The following ADAMTS2 variants were observed in gnomAD, a reference collection of about 807,000 sequenced individuals.
ADAMTS2 encodes the protein ADAM metallopeptidase with thrombospondin type 1 motif 2, also known as A disintegrin and metalloproteinase with thrombospondin motifs 2.
Under a neutral mutation model 123.0 loss-of-function variants are expected in ADAMTS2, and 50 were observed. The ratio of observed to expected loss-of-function variants is 0.41; its 90% CI spans 0.32 to 0.51. The LOEUF (loss-of-function observed/expected upper bound fraction) is 0.51. ADAMTS2 is among the 20% of genes least tolerant of loss of function. The pLI, the probability that ADAMTS2 is intolerant of heterozygous loss-of-function variation, is 0.35. For synonymous variants in ADAMTS2, 678 were observed against 695.4 expected (o/e 0.98, Z 0.39); for missense variants, 1,494 against 1,705.2 (o/e 0.88, Z 2.18).
chr5:179,252,803 G>T (rs1765958095), intron 3 of ADAMTS2, among the ~76,000 whole-genome samples: 1 of 152,120 alleles, frequency 6.6e-6, no homozygotes. Context: ...TATCTGTGCT[G>T]GGTTTTTTGT....
rs147652879 is a variant in ADAMTS2 at position 179,123,813 on chromosome 5, T to C, written c.2959-1040A>G. ...TCCACCTATTAAGAGTGTTTTTGCC[T>C]GCCTGAGGCCTTGAGTCACCAGTAC... On this transcript the variant is annotated intron_variant, in intron 19 of 21. Coordinates refer to ENST00000251582, the MANE Select transcript of ADAMTS2 (RefSeq NM_014244.5). 9.4e-3 allele frequency among the ~76,000 whole-genome samples: 1,426 copies of C among 152,352 alleles called. 24 individuals carry two copies. The highest frequency in any genetic ancestry group is 0.033 in the African/African-American group (1,369 of 41,578).
chr5:179,273,630 C>T lies in ADAMTS2; in HGVS notation c.535-566G>A, dbSNP rs891018459. ...ATGGAATCCCAGCTTTCCTTGGAAA[C>T]GCAGGCCCTGACCACAGCGGGTCTT... On this transcript the variant is annotated intron_variant, in intron 2 of 21. Coordinates refer to ENST00000251582, the MANE Select transcript of ADAMTS2 (RefSeq NM_014244.5). Among the ~76,000 whole-genome samples the T allele has an allele frequency of 2.6e-5, 4 of 152,052 alleles. No individual in the cohort carries two copies. In the South Asian group the frequency reaches 6.2e-4, roughly 24 times the overall value.
chr5:179,268,564 C>A (rs1017044194), intron 3 of ADAMTS2, among the ~76,000 whole-genome samples: 1 of 152,246 alleles, frequency 6.6e-6, no homozygotes, highest in African/African-American at 2.4e-5. Context: ...AAGACAGGCC[C>A]TCAGTGTCAG....
At position 179,128,013 on chromosome 5, in the gene ADAMTS2, C is replaced by T; in HGVS notation, c.2563G>A (p.Val855Ile). ...CACTTCTTCAGGGCCCACTCGTAGA[C>T]CACAGAGTCCTCTTCCAGGACGTTG... is the stretch of plus-strand genomic sequence containing the variant. The part of the protein sequence containing the change: ...DNNVLEEDSV[V>I]YEWALKKWSP... Residue 855 changes from valine to isoleucine, a missense_variant, in exon 17 of 22, where the codon GTC becomes ATC. By Grantham distance (29) the Val-to-Ile change is conservative. Transcript: ENST00000251582. This position sits in a 1 kb window ranked among gnomAD's most constrained non-coding sequence, Gnocchi z 4.9. 2 of 1,614,116 alleles carry T rather than the reference C, an allele frequency of 1.2e-6. No individual in the cohort carries two copies. The highest frequency in any genetic ancestry group is 8.5e-7 in the Non-Finnish European group (1 of 1,180,046).
chr5:179,266,500 G>A (rs954412389), intron 3 of ADAMTS2, among the ~76,000 whole-genome samples: 1 of 152,186 alleles, frequency 6.6e-6, no homozygotes, highest in Admixed American at 6.5e-5. Flanking sequence ...GGCCAGGAAT[G>A]GATTCTGCCC....
intron 3 of ADAMTS2, among the ~76,000 whole-genome samples, chr5:179,244,904 T>C (rs932591368): frequency 3.3e-5 from 5 of 152,214 alleles, no homozygotes; most frequent in African/African-American, 1.2e-4. Flanking sequence ...CATGAAATTA[T>C]ATAAAGCAAT....
At chr5:179,300,479 T>A (rs1008695253) in intron 2 of ADAMTS2, among the ~76,000 whole-genome samples, 7 of 152,198 alleles carry the variant, frequency 4.6e-5, no homozygotes, top group African/African-American at 1.4e-4. Flanking sequence ...TTGTAAACAA[T>A]GGAAAACTAA....
chr5:179,221,616 C>T (rs1185830526), intron 3 of ADAMTS2, among the ~76,000 whole-genome samples: 1 of 152,150 alleles, frequency 6.6e-6, no homozygotes, highest in Non-Finnish European at 1.5e-5. Context: ...GCCCTGATGT[C>T]CCATCCTCCA....
At chr5:179,251,713 G>A (rs1245223179) in intron 3 of ADAMTS2, among the ~76,000 whole-genome samples, 2 of 152,292 alleles carry the variant, frequency 1.3e-5, no homozygotes, top group South Asian at 4.1e-4. Context: ...GAACATATAT[G>A]TACACACAAA....
chr5:179,300,727 T>C (rs907534548), intron 2 of ADAMTS2, among the ~76,000 whole-genome samples: 1 of 152,206 alleles, frequency 6.6e-6, no homozygotes, highest in Non-Finnish European at 1.5e-5. Flanking sequence ...AGAAGAATGA[T>C]GTGCACACTC....
Position 179,262,205 on chromosome 5 carries a change from G to A in ADAMTS2, c.688+10706C>T, listed in dbSNP as rs1335324209. Among the ~76,000 whole-genome samples, 1 of 149,992 alleles carries A rather than the reference G, an allele frequency of 6.7e-6. No individual in the cohort carries two copies. The highest frequency in any genetic ancestry group is 2.0e-4 in the East Asian group (1 of 5,018). ...ACCTGCCACCCCCACCAGCACACCT[G>A]CCCGGCCACCCCCACCAGCACACCT... On this transcript the variant is annotated intron_variant, in intron 3 of 21. Coordinates refer to ENST00000251582, the MANE Select transcript of ADAMTS2 (RefSeq NM_014244.5). The surrounding 1 kb of genome is among the most constrained non-coding windows in gnomAD (Gnocchi z 5.9).
In ADAMTS2 at chr5:179,132,257, C is replaced by T. The variant is rs757688126; in HGVS notation, c.2263G>A (p.Glu755Lys). ...PAGARHLLIQ[E>K]VDATSHHLAV... is the part of the protein sequence containing the mutation. ...AGATGGTGGCTGGTGGCGTCTACCTCCTGAATGAGCAGGTGTCTGGCTCCT... is the reference window on the plus strand; with the variant it reads ...AGATGGTGGCTGGTGGCGTCTACCTTCTGAATGAGCAGGTGTCTGGCTCCT... The change falls in exon 15 of 22, where the codon GAG becomes AAG. Residue 755 changes from glutamate (E) to lysine (K), a missense_variant. This residue lies in a region of ADAMTS2 where 953 missense variants were observed against 1,124.7 expected (regional missense o/e 0.85). Transcript: ENST00000251582. This position sits in a 1 kb window ranked among gnomAD's most constrained non-coding sequence, Gnocchi z 6.1. 6.2e-7 allele frequency: 1 copy of T among 1,614,182 alleles called. No individual in the cohort carries two copies. The highest frequency in any genetic ancestry group is 2.2e-5 in the East Asian group (1 of 44,876).
rs2113204677 is a variant in ADAMTS2, at chr5:179,132,152, T to C, written c.2290+78A>G. The C allele has an allele frequency of 6.9e-7, 1 of 1,455,508 alleles. No individual in the cohort carries two copies. The highest frequency in any genetic ancestry group is 9.6e-7 in the Non-Finnish European group (1 of 1,044,430). 90.2% of individuals were successfully genotyped at this position (1,455,508 alleles called of 1,614,324 possible). On this transcript the variant is annotated intron_variant, in intron 15 of 21. Transcript: ENST00000251582. The surrounding 1 kb of genome is among the most constrained non-coding windows in gnomAD (Gnocchi z 6.1). Reference sequence around the variant, plus strand: ...CTGCACAACCCGGGCCCCTGACCCCTGACCCCTGGCACTCTGCCCATTGAT... The same window carrying C: ...CTGCACAACCCGGGCCCCTGACCCCCGACCCCTGGCACTCTGCCCATTGAT...
chr5:179,165,026 C>A (rs929637884), intron 5 of ADAMTS2, among the ~76,000 whole-genome samples: 1 of 152,224 alleles, frequency 6.6e-6, no homozygotes, highest in Admixed American at 6.5e-5. Flanking sequence ...CAGGGCAAGG[C>A]CCTCGCTACT....
chr5:179,234,356 A>G lies in ADAMTS2; in HGVS notation c.689-26641T>C, dbSNP rs779783808. ...CATCTCAGAGAGAAGTGGAGGCTGC[A>G]CCCCCACAGGAAGTGGGGCCCAGTC... On this transcript the variant is annotated intron_variant, in intron 3 of 21. Transcript: ENST00000251582. This position sits in a 1 kb window ranked among gnomAD's most constrained non-coding sequence, Gnocchi z 4.7. Among the ~76,000 whole-genome samples the G allele has an allele frequency of 6.6e-6, 1 of 151,854 alleles. No individual in the cohort carries two copies. The highest frequency in any genetic ancestry group is 1.5e-5 in the Non-Finnish European group (1 of 67,962).
rs1050026610 is a variant in ADAMTS2, at chr5:179,188,036, G to A, written c.892-6881C>T. On this transcript the variant is annotated intron_variant, in intron 4 of 21. Coordinates refer to ENST00000251582, the MANE Select transcript of ADAMTS2 (RefSeq NM_014244.5). This position sits in a 1 kb window ranked among gnomAD's most constrained non-coding sequence, Gnocchi z 5.1. ...TTTGTCCTCTGCCAAGGTGGGGGAG[G>A]GGTGCAGAAAGGGGGGAACCGGTGC... 6.6e-6 allele frequency among the ~76,000 whole-genome samples: 1 copy of A among 152,090 alleles called. No homozygotes were observed. The highest frequency in any genetic ancestry group is 3.2e-3 in the Middle Eastern group (1 of 314).
chr5:179,321,394 T>G (rs1364811075), intron 2 of ADAMTS2, among the ~76,000 whole-genome samples: 4 of 152,156 alleles, frequency 2.6e-5, no homozygotes, highest in Non-Finnish European at 5.9e-5. Context: ...GCCCCTCACC[T>G]GGTCAGTCTA....
chr5:179,209,327 G>A (rs1447112101), intron 3 of ADAMTS2, among the ~76,000 whole-genome samples: 1 of 152,204 alleles, frequency 6.6e-6, no homozygotes, highest in Non-Finnish European at 1.5e-5. Context: ...TGAAGTTTCA[G>A]GCACAAACCT....
chr5:179,153,380 T>G (rs1763402100), intron 9 of ADAMTS2, 111 bp downstream of exon 9: 1 of 1,522,904 alleles, frequency 6.6e-7, no homozygotes, highest in South Asian at 1.2e-5. Context: ...GGAGGGCCGC[T>G]CTGCCCTCCC....
Sources: gnomAD v4.1 joint callset for allele counts (sites outside exome capture counted in the v4.1 genomes callset) on GRCh38, gnomAD v4.1.1 for gene constraint, gnomAD v4.1.1 regional missense constraint, Gnocchi (gnomAD v3.1) non-coding constraint, MANE v1.5 for transcripts, NCBI Gene and HGNC (gene_info 2026-07-23, HGNC 2026-07-21) for gene names.